TMEM244: variants seen among roughly 807,000 people sequenced by gnomAD.
The protein encoded by TMEM244 is transmembrane protein 244, also known as putative transmembrane protein 244.
TMEM244 carries 13 observed loss-of-function variants against 15.8 expected under a neutral mutation model. The ratio of observed to expected loss-of-function variants is 0.82; its 90% CI spans 0.53 to 1.30. TMEM244 has a LOEUF of 1.30. Ranked by LOEUF, TMEM244 falls within the 50% of genes most tolerant of loss-of-function variation. The pLI is 0.00. For synonymous variants in TMEM244, 45 were observed against 48.7 expected, an observed-to-expected ratio of 0.92 and a Z score of 0.32; for missense variants, 161 against 144.9, an observed-to-expected ratio of 1.11 and a Z score of -0.57.
chr6:129,857,473 A>G (rs1217676797), intron 1 of TMEM244, among the ~76,000 whole-genome samples: 5 of 152,048 alleles, frequency 3.3e-5, no homozygotes, highest in Non-Finnish European at 7.4e-5. Flanking sequence ...CTCCTGCCTC[A>G]GCCTCCCAAG....
At chr6:129,852,360 T>C (rs531590005) in intron 1 of TMEM244, among the ~76,000 whole-genome samples, 3 of 152,308 alleles carry the variant, frequency 2.0e-5, no homozygotes, top group Non-Finnish European at 4.4e-5. Context: ...TACCTGTATG[T>C]GCAAGACGCC....
intron 4 of TMEM244, 101 bp from the exon 5 acceptor site, chr6:129,831,487 G>A: frequency 1.2e-6 from 1 of 809,054 alleles, no homozygotes; most frequent in South Asian, 1.6e-5. Context: ...CTCAACAAGA[G>A]AAGGTTTATC....
intron 3 of TMEM244, among the ~76,000 whole-genome samples, chr6:129,836,502 G>A (rs559410720): frequency 1.2e-4 from 19 of 152,264 alleles, no homozygotes; most frequent in Non-Finnish European, 2.9e-5. Context: ...AAAAAACAGA[G>A]CACCTCTTCT....
At chr6:129,844,051 C>T (rs966766464) in intron 2 of TMEM244, among the ~76,000 whole-genome samples, 8 of 151,858 alleles carry the variant, frequency 5.3e-5, no homozygotes, top group South Asian at 4.2e-4. Context: ...TAATTAAATG[C>T]TAAATACATC....
At chr6:129,841,731 T>C (rs1161233220) in intron 3 of TMEM244, among the ~76,000 whole-genome samples, 9 of 152,182 alleles carry the variant, frequency 5.9e-5, no homozygotes, top group Non-Finnish European at 1.3e-4. Context: ...TTCTCTGCGA[T>C]GCAAAGGAAA....
intron 1 of TMEM244, among the ~76,000 whole-genome samples, chr6:129,846,618 C>T (rs1369454736): frequency 6.6e-6 from 1 of 152,122 alleles, no homozygotes; most frequent in African/African-American, 2.4e-5. Context: ...TGTATTTTAA[C>T]TTGACAAAAT....
At chr6:129,853,796 G>A (rs9398927) in intron 1 of TMEM244, among the ~76,000 whole-genome samples, 21,706 of 152,214 alleles carry the variant, frequency 0.14, 1,594 homozygotes, top group East Asian at 0.22. Context: ...GCTGGAACCT[G>A]GATAGAATAT....
At chr6:129,834,868 C>A (rs1259092076) in intron 3 of TMEM244, among the ~76,000 whole-genome samples, 1 of 152,130 alleles carries the variant, frequency 6.6e-6, no homozygotes, top group African/African-American at 2.4e-5. Flanking sequence ...AGAATCACGA[C>A]ATTATTGTAG....
At chr6:129,834,584 G>T (rs554055961) in intron 3 of TMEM244, among the ~76,000 whole-genome samples, 1 of 152,320 alleles carries the variant, frequency 6.6e-6, no homozygotes, top group South Asian at 2.1e-4. Flanking sequence ...CAGTCGGTAA[G>T]CGAGACACCA....
At chr6:129,835,718 C>T (rs1173554933) in intron 3 of TMEM244, among the ~76,000 whole-genome samples, 1 of 152,200 alleles carries the variant, frequency 6.6e-6, no homozygotes, top group Non-Finnish European at 1.5e-5. Flanking sequence ...GCACTATTCC[C>T]ATAGTCTTAG....
Position 129,853,378 on chromosome 6 carries a change from G to A in TMEM244, c.34-7526C>T, listed in dbSNP as rs368482879. On this transcript the variant is annotated intron_variant, in intron 1 of 4. Coordinates refer to ENST00000368143, the MANE Select transcript of TMEM244 (RefSeq NM_001010876.2). The stretch of plus-strand genomic sequence containing the variant: ...TTCCCCTGACTTCTTATTCTCTACT[G>A]TATGCTCCCTAACACTCTCTTTCTC... Among the ~76,000 whole-genome samples the A allele has an allele frequency of 1.5e-4, 23 of 152,026 alleles. No individual in the cohort carries two copies. In the South Asian group the frequency reaches 3.5e-3, roughly 23 times the overall value.
intron 1 of TMEM244, among the ~76,000 whole-genome samples, chr6:129,855,661 T>G (rs1776695848): frequency 6.6e-6 from 1 of 152,194 alleles, no homozygotes; most frequent in South Asian, 2.1e-4. Flanking sequence ...TACTCTGAAT[T>G]TGTCTGATGG....
At chr6:129,850,747 T>G (rs1036696199) in intron 1 of TMEM244, among the ~76,000 whole-genome samples, 75 of 152,006 alleles carry the variant, frequency 4.9e-4, no homozygotes, top group African/African-American at 1.8e-3. Context: ...AATGAATCAT[T>G]AAAAATAGAG....
At chr6:129,846,227 T>C (rs1391374365) in intron 1 of TMEM244, among the ~76,000 whole-genome samples, 2 of 152,206 alleles carry the variant, frequency 1.3e-5, no homozygotes, top group Admixed American at 1.3e-4. Flanking sequence ...ATTAAACTTT[T>C]CTTATTTCTG....
chr6:129,858,364 T>A (rs1776748241), intron 1 of TMEM244, among the ~76,000 whole-genome samples: 1 of 152,140 alleles, frequency 6.6e-6, no homozygotes, highest in African/African-American at 2.4e-5. Context: ...AATAGCCTTC[T>A]CCATTTAGTC....
chr6:129,849,287 A>T (rs1245782994), intron 1 of TMEM244, among the ~76,000 whole-genome samples: 1 of 152,194 alleles, frequency 6.6e-6, no homozygotes, highest in Non-Finnish European at 1.5e-5. Context: ...TTCTACCTGA[A>T]TTATAAATCT....
At chr6:129,856,434 A>G (rs192163886) in intron 1 of TMEM244, among the ~76,000 whole-genome samples, 219 of 152,284 alleles carry the variant, frequency 1.4e-3, no homozygotes, top group African/African-American at 5.1e-3. Flanking sequence ...TGTTAAAAGG[A>G]TAGAGCTTGC....
intron 1 of TMEM244, among the ~76,000 whole-genome samples, chr6:129,859,029 A>C (rs768670797): frequency 2.0e-5 from 3 of 152,044 alleles, no homozygotes; most frequent in African/African-American, 4.8e-5. Context: ...TCCTGACCTA[A>C]AGTGATCGTC....
chr6:129,859,819 C>T (rs994075729), intron 1 of TMEM244, among the ~76,000 whole-genome samples: 1 of 152,088 alleles, frequency 6.6e-6, no homozygotes, highest in Non-Finnish European at 1.5e-5. Context: ...GTTGAGTATT[C>T]GAGTTATCTC....
Sources: allele counts gnomAD v4.1 joint callset (sites outside exome capture counted in the v4.1 genomes callset), GRCh38; gene constraint gnomAD v4.1.1; transcripts MANE v1.5; gene names NCBI Gene and HGNC (gene_info 2026-07-23, HGNC 2026-07-21).